Variants in ACVR2A observed in about 807,000 individuals in gnomAD.
The protein encoded by ACVR2A is activin A receptor type 2A.
Under a neutral mutation model 61.4 loss-of-function variants are expected in ACVR2A, and 7 were observed. That is an observed-to-expected ratio of 0.11 (90% CI 0.06 to 0.21). The LOEUF is 0.21. Among genes scored for constraint, ACVR2A ranks in the 10% least tolerant of loss-of-function variants. The pLI is 1.00. For missense variants in ACVR2A, 322 were observed against 621.7 expected, an observed-to-expected ratio of 0.52 and a Z score of 5.13; for synonymous variants, 193 against 208.3, an observed-to-expected ratio of 0.93 and a Z score of 0.63.
Position 147,845,148 on chromosome 2 carries a change from G to A in ACVR2A, c.-5G>A, listed in dbSNP as rs1378097173. 2 of 1,613,200 alleles carry A rather than the reference G, an allele frequency of 1.2e-6. No individual in the cohort carries two copies. The highest frequency in any genetic ancestry group is 2.2e-5 in the East Asian group (1 of 44,798). ...TTCCTCCGGATTCCCCGGCGCCTCG[G>A]GAAAATGGGAGCTGCTGCAAAGTTG... On this transcript the variant is annotated 5_prime_UTR_variant, in exon 1 of 11. Transcript: ENST00000241416.
chr2:147,857,788 A>T (rs1266248493), intron 1 of ACVR2A, among the ~76,000 whole-genome samples: 2 of 152,148 alleles, frequency 1.3e-5, no homozygotes, highest in Admixed American at 1.3e-4. Context: ...CTACACACAC[A>T]AGCCCAAGCA....
intron 1 of ACVR2A, among the ~76,000 whole-genome samples, chr2:147,874,648 C>CA (rs1428823161): frequency 6.6e-6 from 1 of 151,852 alleles, no homozygotes; most frequent in East Asian, 1.9e-4. Context: ...ATTCAACACT[C>CA]AAATATAGCT....
chr2:147,851,572 C>A (rs983475748), intron 1 of ACVR2A, among the ~76,000 whole-genome samples: 1 of 152,080 alleles, frequency 6.6e-6, no homozygotes, highest in Non-Finnish European at 1.5e-5. Flanking sequence ...ACATATTACT[C>A]TTCCTCTTCT....
intron 8 of ACVR2A, among the ~76,000 whole-genome samples, chr2:147,922,062 C>A (rs1687393799): frequency 6.7e-6 from 1 of 149,270 alleles, no homozygotes. Context: ...ATACATTTAC[C>A]TGTAAGAGAA....
At chr2:147,921,112 C>T (rs1455671152) in intron 8 of ACVR2A, among the ~76,000 whole-genome samples, 1 of 152,152 alleles carries the variant, frequency 6.6e-6, no homozygotes, top group Non-Finnish European at 1.5e-5. Context: ...TGGCTCACTG[C>T]AGCCTCTGCC....
chr2:147,858,441 T>C (rs1282206475), intron 1 of ACVR2A, among the ~76,000 whole-genome samples: 1 of 152,222 alleles, frequency 6.6e-6, no homozygotes, highest in East Asian at 1.9e-4. Flanking sequence ...TACAGTGACC[T>C]TAAAGGCTCT....
In ACVR2A at chr2:147,927,636, T is replaced by A. The variant is rs1687534548; in HGVS notation, c.*362T>A. 2 of 166,330 alleles carry A rather than the reference T, an allele frequency of 1.2e-5. No individual in the cohort carries two copies. The highest frequency in any genetic ancestry group is 2.4e-5 in the African/African-American group (1 of 42,064). 10.3% of individuals were successfully genotyped at this position (166,330 alleles called of 1,614,324 possible). On this transcript the variant is annotated 3_prime_UTR_variant, in exon 11 of 11. Transcript: ENST00000241416. The stretch of plus-strand genomic sequence containing the variant: ...TGTCAGAAGACACTAATTCCTTAAA[T>A]GAACTACTGCTATTTTTTTTAAATC...
intron 1 of ACVR2A, among the ~76,000 whole-genome samples, chr2:147,865,005 C>A (rs2105149284): frequency 6.6e-6 from 1 of 152,048 alleles, no homozygotes; most frequent in South Asian, 2.1e-4. Context: ...ATATCTGACA[C>A]CAAGTGACTT....
intron 1 of ACVR2A, among the ~76,000 whole-genome samples, chr2:147,878,752 A>G (rs980977398): frequency 3.9e-5 from 6 of 151,984 alleles, no homozygotes; most frequent in Non-Finnish European, 2.9e-5. Context: ...CTACAAAAAA[A>G]TACAAAAAAA....
intron 1 of ACVR2A, among the ~76,000 whole-genome samples, chr2:147,885,925 G>A (rs1444584007): frequency 6.6e-6 from 1 of 151,998 alleles, no homozygotes; most frequent in Non-Finnish European, 1.5e-5. Flanking sequence ...GGGAAAATTG[G>A]GAAATCCTTT....
chr2:147,855,148 G>C (rs1237600209), intron 1 of ACVR2A, among the ~76,000 whole-genome samples: 8 of 152,144 alleles, frequency 5.3e-5, no homozygotes, highest in Non-Finnish European at 7.4e-5. Context: ...CCAAAGTGCT[G>C]GGATTACAGG....
chr2:147,924,854 C>T (rs984131393), intron 9 of ACVR2A, among the ~76,000 whole-genome samples: 3 of 151,926 alleles, frequency 2.0e-5, no homozygotes, highest in Admixed American at 6.6e-5. Context: ...TACCAGTTGA[C>T]GGCAGTGTTG....
Position 147,920,220 on chromosome 2 carries a change from T to C in ACVR2A, c.963-10T>C, listed in dbSNP as rs1687346816. On this transcript the variant is annotated splice_polypyrimidine_tract_variant and intron_variant, in intron 7 of 10. Transcript: ENST00000241416. ...TTAAACTTAATTTGAATACTCTTTT[T>C]ATTTGCAAGGGACATCAAAAGTAAA... is the stretch of plus-strand genomic sequence containing the variant. The C allele has an allele frequency of 1.3e-6, 2 of 1,593,106 alleles. No individual in the cohort carries two copies. Among genetic ancestry groups the C allele is most frequent in the Non-Finnish European group, 1.7e-6 (2 of 1,163,338 alleles).
chr2:147,915,387 T>C lies in ACVR2A; in HGVS notation c.672+53T>C, dbSNP rs1687225346. 1.9e-6 allele frequency: 3 copies of C among 1,599,832 alleles called. No individual in the cohort carries two copies. The South Asian group carries it at 3.3e-5, about 18-fold the overall frequency. On this transcript the variant is annotated intron_variant, in intron 5 of 10. Coordinates refer to ENST00000241416, the MANE Select transcript of ACVR2A (RefSeq NM_001616.5). ...ACATACATGTTTTATGGCTAGGTCA[T>C]CATAACTCAGAAATAGTCTCAAAAC...
chr2:147,906,194 T>A (rs940311788), intron 4 of ACVR2A, among the ~76,000 whole-genome samples: 1 of 152,126 alleles, frequency 6.6e-6, no homozygotes, highest in African/African-American at 2.4e-5. Context: ...CTTTTTTTTT[T>A]AAATTAAGAT....
intron 9 of ACVR2A, 114 bp downstream of exon 9, chr2:147,923,225 C>T: frequency 8.5e-7 from 1 of 1,180,564 alleles, no homozygotes; most frequent in Non-Finnish European, 1.2e-6. Flanking sequence ...TAATTGACTC[C>T]AAGAGATGGT....
intron 1 of ACVR2A, among the ~76,000 whole-genome samples, chr2:147,890,563 T>C (rs766900174): frequency 1.3e-5 from 2 of 152,208 alleles, no homozygotes; most frequent in Non-Finnish European, 2.9e-5. Flanking sequence ...AGAACTGCTG[T>C]ACTAAACCCT....
At chr2:147,903,016 A>G (rs1159948716) in intron 4 of ACVR2A, 3 of 151,896 alleles carry the variant, frequency 2.0e-5, no homozygotes, top group African/African-American at 4.8e-5. Context: ...GTTGTAAGAC[A>G]TTGTTCTCAT....
rs1311305572 is a variant in ACVR2A at position 147,930,576 on chromosome 2, T to G, written c.*3302T>G. ...GTTTTTTATGCAGTCTCAACCCATA[T>G]CCCATTTGTTACCTCTCAGAATATT... On this transcript the variant is annotated 3_prime_UTR_variant, in exon 11 of 11. Transcript: ENST00000241416. 6.6e-6 allele frequency: 1 copy of G among 152,466 alleles called. No individual in the cohort carries two copies. The highest frequency in any genetic ancestry group is 2.4e-5 in the African/African-American group (1 of 41,406). The allele number at this position is 152,466 out of a possible 1,614,324, so 9.4% of individuals were successfully genotyped here. A position where few individuals can be genotyped will look rare whatever the true frequency, so the allele number is the denominator to read the frequency against.
Sources: gnomAD v4.1 joint callset for allele counts (sites outside exome capture counted in the v4.1 genomes callset) on GRCh38, gnomAD v4.1.1 for gene constraint, MANE v1.5 for transcripts, NCBI Gene and HGNC (gene_info 2026-07-23, HGNC 2026-07-21) for gene names.